The following CD109 variants were observed in gnomAD, a reference collection of about 807,000 sequenced individuals.
CD109 encodes CD109 antigen.
A neutral mutation model predicts 165.8 loss-of-function variants in CD109; 149 were observed. The observed-to-expected ratio is 0.90, with a 90% CI of 0.79 to 1.03. The LOEUF is 1.03. CD109 is among the 50% of genes least tolerant of loss of function. The pLI, the probability that CD109 is intolerant of heterozygous loss-of-function variation, is 0.00. For missense variants in CD109, 1,712 were observed against 1,677.8 expected (o/e 1.02, Z -0.36); for synonymous variants, 585 against 592.1 (o/e 0.99, Z 0.18).
chr6:73,779,464 G>C (rs913887229), intron 15 of CD109, among the ~76,000 whole-genome samples: 2 of 151,920 alleles, frequency 1.3e-5, no homozygotes, highest in East Asian at 3.9e-4. Flanking sequence ...TGGCCAGGCT[G>C]GTCTCAAACT....
At chr6:73,775,980 T>C (rs1170708660) in intron 15 of CD109, among the ~76,000 whole-genome samples, 1 of 152,234 alleles carries the variant, frequency 6.6e-6, no homozygotes, top group Non-Finnish European at 1.5e-5. Context: ...AATGAACATA[T>C]GCATGCATAC....
In CD109 at chr6:73,783,694, A is replaced by T. The variant is rs745710116; in HGVS notation, c.2106-13A>T. On this transcript the variant is annotated splice_polypyrimidine_tract_variant and intron_variant, in intron 18 of 32. Transcript: ENST00000287097. ...TGGTTTTGTGATGTTTATATTTATT[A>T]TCTTGACTTCAGTTACAGGATTTAC... is the stretch of plus-strand genomic sequence containing the variant. The T allele has an allele frequency of 2.8e-6, 4 of 1,412,474 alleles. No homozygotes were observed. In the South Asian group the frequency reaches 4.6e-5, roughly 16 times the overall value. The allele number at this position is 1,412,474 out of a possible 1,614,324, so 87.5% of individuals were successfully genotyped here.
At chr6:73,723,076 G>A (rs1772019814) in intron 2 of CD109, 175 bp from the exon 3 acceptor site, 2 of 941,962 alleles carry the variant, frequency 2.1e-6, no homozygotes, top group African/African-American at 3.5e-5. Flanking sequence ...TTGGCACAAA[G>A]ATATGTAATA....
chr6:73,774,953 T>C (rs1467415433), intron 15 of CD109, among the ~76,000 whole-genome samples: 1 of 151,828 alleles, frequency 6.6e-6, no homozygotes, highest in Non-Finnish European at 1.5e-5. Context: ...TTTTTTTTTT[T>C]GTTAAATTTA....
chr6:73,792,392 C>G (rs1387484341), intron 22 of CD109, among the ~76,000 whole-genome samples: 2 of 151,996 alleles, frequency 1.3e-5, no homozygotes, highest in Non-Finnish European at 2.9e-5. Context: ...CTTAACTGAG[C>G]TAAAAATGTC....
rs1770891199 is a variant in CD109, at chr6:73,697,456, T to C, written c.131T>C (p.Ile44Thr). The C allele has an allele frequency of 1.2e-6, 2 of 1,614,028 alleles. No individual in the cohort carries two copies. The highest frequency in any genetic ancestry group is 1.1e-5 in the South Asian group (1 of 91,086). Residue 44 changes from isoleucine (I) to threonine (T), a missense_variant, in exon 2 of 33, where the codon ATT becomes ACT. Coordinates refer to ENST00000287097, the MANE Select transcript of CD109 (RefSeq NM_133493.5). Reference sequence around the variant, plus strand: ...ATCAGGCCCGGAGGAAATGTGACTATTGGGGTGGAGCTTCTGGAACACTGC... The same window carrying C: ...ATCAGGCCCGGAGGAAATGTGACTACTGGGGTGGAGCTTCTGGAACACTGC... Reference protein sequence around the residue: ...GIIRPGGNVTIGVELLEHCPS... With the variant: ...GIIRPGGNVTTGVELLEHCPS...
intron 5 of CD109, among the ~76,000 whole-genome samples, chr6:73,747,602 T>TAGAAC: frequency 6.6e-6 from 1 of 152,202 alleles, no homozygotes; most frequent in African/African-American, 2.4e-5. Context: ...ACCTCTGAGT[T>TAGAAC]CTAGACCTTT....
Position 73,756,696 on chromosome 6 carries a change from A to G in CD109, c.673+14A>G, listed in dbSNP as rs376755460. 1 of 1,509,944 alleles carries G rather than the reference A, an allele frequency of 6.6e-7. No homozygotes were observed. Among genetic ancestry groups the G allele is most frequent in the Non-Finnish European group, 9.0e-7 (1 of 1,116,884 alleles). 93.5% of individuals were successfully genotyped at this position (1,509,944 alleles called of 1,614,324 possible). ...TTTCAGAATATGGTAAGAGTTCCTCAATCTATTTTGGAAGAAAAAAACATT... is the reference window on the plus strand; with the variant it reads ...TTTCAGAATATGGTAAGAGTTCCTCGATCTATTTTGGAAGAAAAAAACATT... On this transcript the variant is annotated intron_variant, in intron 6 of 32. Transcript: ENST00000287097.
chr6:73,680,576 G>A, the CD109 span, among the ~76,000 whole-genome samples: 4 of 152,154 alleles, frequency 2.6e-5, no homozygotes. Context: ...TTGAGGCAAT[G>A]GTAGACTCTC....
intron 16 of CD109, 112 bp downstream of exon 16, chr6:73,780,610 A>AGC: frequency 2.8e-6 from 2 of 713,498 alleles, no homozygotes; most frequent in Non-Finnish European, 4.9e-6. Context: ...GTGTCACTGA[A>AGC]GCGCAGTCTT....
chr6:73,722,462 C>T (rs1018795048), intron 2 of CD109, among the ~76,000 whole-genome samples: 2 of 152,146 alleles, frequency 1.3e-5, no homozygotes, highest in Non-Finnish European at 2.9e-5. Flanking sequence ...TAGCTTAACC[C>T]CTGCTGTGTA....
chr6:73,804,237 A>G (rs1437234496), intron 24 of CD109, among the ~76,000 whole-genome samples: 2 of 152,262 alleles, frequency 1.3e-5, no homozygotes, highest in Non-Finnish European at 1.5e-5. Context: ...ATGAAACTTT[A>G]TATAACATGA....
chr6:73,753,149 A>G (rs1773257106), intron 5 of CD109, among the ~76,000 whole-genome samples: 1 of 152,216 alleles, frequency 6.6e-6, no homozygotes, highest in South Asian at 2.1e-4. Context: ...TTGTTTACAA[A>G]TTGTGTCTGG....
chr6:73,785,841 G>GT (rs1225688913), intron 20 of CD109, among the ~76,000 whole-genome samples: 2 of 135,712 alleles, frequency 1.5e-5, no homozygotes, highest in African/African-American at 5.7e-5. Context: ...GCCCACTGCA[G>GT]TTTTGTTTTT....
chr6:73,811,707 T>G (rs1775765642), intron 28 of CD109, among the ~76,000 whole-genome samples: 1 of 152,192 alleles, frequency 6.6e-6, no homozygotes, highest in Admixed American at 6.5e-5. Flanking sequence ...AGTTCTTAAC[T>G]TTATTCCCTT....
chr6:73,716,657 G>A (rs1771755700), intron 2 of CD109, among the ~76,000 whole-genome samples: 1 of 152,154 alleles, frequency 6.6e-6, no homozygotes, highest in Non-Finnish European at 1.5e-5. Flanking sequence ...AGTTATTTGA[G>A]TTCCTTATGT....
intron 16 of CD109, 124 bp from the exon 17 acceptor site, chr6:73,781,135 G>T: frequency 1.5e-6 from 1 of 669,396 alleles, no homozygotes; most frequent in East Asian, 2.7e-5. Context: ...GAATGTATGT[G>T]CATGTGTATA....
rs1445592060 is a variant in CD109 at position 73,803,694 on chromosome 6, T to TGTGC, written c.2960+396_2960+397insCGTG. On this transcript the variant is annotated intron_variant, in intron 24 of 32. Transcript: ENST00000287097. ...GCGGTCAATGTAGTTTAAGTTTGTG[T>TGTGC]GTGTGTGTGTGTGTGTGTAAAAAAC... Among the ~76,000 whole-genome samples, 5 of 151,682 alleles carry TGTGC rather than the reference T, an allele frequency of 3.3e-5. No individual in the cohort carries two copies. In the South Asian group the frequency reaches 1.0e-3, roughly 32 times the overall value.
intron 23 of CD109, among the ~76,000 whole-genome samples, chr6:73,797,166 A>C (rs1349847309): frequency 1.3e-5 from 2 of 152,208 alleles, no homozygotes; most frequent in Non-Finnish European, 2.9e-5. Flanking sequence ...GGAGTTCTGT[A>C]ACCTAACCCA....
Sources: gnomAD v4.1 joint callset for allele counts (sites outside exome capture counted in the v4.1 genomes callset) on GRCh38, gnomAD v4.1.1 for gene constraint, MANE v1.5 for transcripts, NCBI Gene and HGNC (gene_info 2026-07-23, HGNC 2026-07-21) for gene names.